The following SDK1 variants were observed in gnomAD, a reference collection of about 807,000 sequenced individuals.
The protein encoded by SDK1 is protein sidekick-1.
A neutral mutation model predicts 245.5 loss-of-function variants in SDK1; 157 were observed. That is an observed-to-expected ratio of 0.64 (90% CI 0.56 to 0.73). The LOEUF (loss-of-function observed/expected upper bound fraction) is 0.73. Ranked by LOEUF, SDK1 falls within the 30% of genes least tolerant of loss-of-function variation. SDK1 has a pLI of 0.00. For synonymous variants in SDK1, 1,647 were observed against 1,278.5 expected (o/e 1.29, Z -6.15); for missense variants, 3,583 against 3,002.3 (o/e 1.19, Z -4.52).
At chr7:4,008,734 G>A (rs1253103738) in intron 14 of SDK1, among the ~76,000 whole-genome samples, 1 of 152,106 alleles carries the variant, frequency 6.6e-6, no homozygotes, top group Non-Finnish European at 1.5e-5. Flanking sequence ...GGAAAGGGCA[G>A]CAGGGGGAAG....
At position 3,731,563 on chromosome 7, in the gene SDK1, T is replaced by G. The variant is rs562296725; in HGVS notation, c.713+89458T>G. ...CGTTATGTCTTAATCTGTTTTGTGGTTGAGATGCACCTGAGCAGGCATCTG... is the reference window on the plus strand; with the variant it reads ...CGTTATGTCTTAATCTGTTTTGTGGGTGAGATGCACCTGAGCAGGCATCTG... On this transcript the variant is annotated intron_variant, in intron 4 of 44. Transcript: ENST00000404826. Among the ~76,000 whole-genome samples the G allele has an allele frequency of 8.5e-5, 13 of 152,326 alleles. No individual in the cohort carries two copies. The East Asian group carries it at 2.5e-3, about 29-fold the overall frequency.
intron 41 of SDK1, among the ~76,000 whole-genome samples, chr7:4,235,846 A>G (rs1021868977): frequency 1.3e-5 from 2 of 152,224 alleles, no homozygotes; most frequent in East Asian, 1.9e-4. Flanking sequence ...GGACCGGGCC[A>G]GGCCCGCAGC....
At chr7:3,671,233 T>C (rs937222139) in intron 4 of SDK1, among the ~76,000 whole-genome samples, 3 of 152,208 alleles carry the variant, frequency 2.0e-5, no homozygotes, top group African/African-American at 7.2e-5. Flanking sequence ...GTCAAGTCAC[T>C]TCCTCTCACT....
chr7:3,363,512 T>C (rs1305156798), intron 1 of SDK1, among the ~76,000 whole-genome samples: 1 of 152,214 alleles, frequency 6.6e-6, no homozygotes, highest in Non-Finnish European at 1.5e-5. Flanking sequence ...GTTAATTGTA[T>C]GTTTGTTGTT....
intron 44 of SDK1, among the ~76,000 whole-genome samples, chr7:4,247,119 G>T (rs990948138): frequency 6.6e-6 from 1 of 152,162 alleles, no homozygotes; most frequent in Admixed American, 6.5e-5. Context: ...GGCCTGCCCC[G>T]CCTCCTGGCA....
At chr7:4,146,065 G>T in intron 29 of SDK1, 149 bp downstream of exon 29, 5 of 664,794 alleles carry the variant, frequency 7.5e-6, no homozygotes, top group Non-Finnish European at 1.3e-5. Context: ...AGCACCCATT[G>T]CACCTGACAT....
At chr7:4,242,312 T>A (rs1404804354) in intron 43 of SDK1, among the ~76,000 whole-genome samples, 1 of 152,198 alleles carries the variant, frequency 6.6e-6, no homozygotes, top group East Asian at 1.9e-4. Flanking sequence ...TGGTGCTTGT[T>A]GCTGATTTCA....
rs533187950 is a variant in SDK1 at position 4,025,737 on chromosome 7, T to G, written c.2602+8385T>G. Reference sequence around the variant, plus strand: ...GAAAACACAGGGCTTATTGTTCCTGTTTCAACACCCAGTGCTGCACCACTT... The same window carrying G: ...GAAAACACAGGGCTTATTGTTCCTGGTTCAACACCCAGTGCTGCACCACTT... On this transcript the variant is annotated intron_variant, in intron 17 of 44. Transcript: ENST00000404826. Among the ~76,000 whole-genome samples the G allele has an allele frequency of 3.8e-3, 577 of 152,304 alleles. 6 individuals are homozygous for G. The South Asian group carries it at 0.042, about 11-fold the overall frequency.
chr7:3,593,678 C>G (rs988204736), intron 1 of SDK1, among the ~76,000 whole-genome samples: 2 of 152,144 alleles, frequency 1.3e-5, no homozygotes, highest in African/African-American at 4.8e-5. Context: ...GATGATTCCC[C>G]TCCAATCTCC....
intron 13 of SDK1, among the ~76,000 whole-genome samples, chr7:3,975,768 C>G (rs1782876122): frequency 6.6e-6 from 1 of 152,238 alleles, no homozygotes; most frequent in Non-Finnish European, 1.5e-5. Flanking sequence ...TGTCTCCTTC[C>G]AGGATGACCC....
chr7:4,221,148 C>G, intron 39 of SDK1, 91 bp from the exon 40 acceptor site: 2 of 1,488,600 alleles, frequency 1.3e-6, no homozygotes, highest in Non-Finnish European at 1.8e-6. Flanking sequence ...CAGCCTCGAC[C>G]GGTCTGACCC....
chr7:4,041,101 GACAA>G (rs764943906), intron 17 of SDK1, among the ~76,000 whole-genome samples: 20 of 152,244 alleles, frequency 1.3e-4, no homozygotes, highest in Non-Finnish European at 1.9e-4. Context: ...GCCTGGTACA[GACAA>G]ACAAATTCAC....
chr7:3,636,220 A>G (rs1274302570), intron 2 of SDK1, among the ~76,000 whole-genome samples: 2 of 152,110 alleles, frequency 1.3e-5, no homozygotes, highest in Non-Finnish European at 1.5e-5. Flanking sequence ...TTTTTGTGTG[A>G]TAAAAACACA....
intron 4 of SDK1, among the ~76,000 whole-genome samples, chr7:3,797,062 A>G (rs1778978180): frequency 6.7e-6 from 1 of 148,464 alleles, no homozygotes; most frequent in Non-Finnish European, 1.5e-5. Context: ...TCTGGAGTGC[A>G]GTGGTGCAGT....
chr7:4,092,558 C>T (rs1286897037), intron 22 of SDK1, among the ~76,000 whole-genome samples: 2 of 152,212 alleles, frequency 1.3e-5, no homozygotes, highest in East Asian at 3.8e-4. Flanking sequence ...TGTAGGGAGA[C>T]TCCAGGGCTG....
intron 5 of SDK1, among the ~76,000 whole-genome samples, chr7:3,843,280 T>C (rs2115091382): frequency 6.6e-6 from 1 of 152,364 alleles, no homozygotes; most frequent in South Asian, 2.1e-4. Context: ...CTGCATAACG[T>C]AGACTCACAT....
intron 12 of SDK1, 26 bp from the exon 13 acceptor site, chr7:3,974,343 C>G: frequency 1.9e-6 from 3 of 1,601,132 alleles, no homozygotes; most frequent in Non-Finnish European, 2.6e-6. Context: ...GGGTTTGTAA[C>G]TCAAGACCCT....
intron 20 of SDK1, among the ~76,000 whole-genome samples, chr7:4,072,781 C>T (rs770677059): frequency 2.0e-5 from 3 of 152,140 alleles, no homozygotes; most frequent in Non-Finnish European, 2.9e-5. Flanking sequence ...CACCACTTTA[C>T]GGGCCAGAGG....
chr7:4,204,183 A>C (rs1305810050), intron 35 of SDK1, among the ~76,000 whole-genome samples: 1 of 152,268 alleles, frequency 6.6e-6, no homozygotes, highest in Non-Finnish European at 1.5e-5. Flanking sequence ...ATTGTACAAC[A>C]GTAATTTTGC....
Sources: allele counts gnomAD v4.1 joint callset (sites outside exome capture counted in the v4.1 genomes callset), GRCh38; gene constraint gnomAD v4.1.1; transcripts MANE v1.5; gene names NCBI Gene and HGNC (gene_info 2026-07-23, HGNC 2026-07-21).